The following ZFHX3 variants were observed in gnomAD, a reference collection of about 807,000 sequenced individuals.
The protein encoded by ZFHX3 is zinc finger homeobox protein 3.
In ZFHX3, 42 loss-of-function variants were observed where a neutral mutation model predicts 279.1. The ratio of observed to expected loss-of-function variants is 0.15; its 90% CI spans 0.12 to 0.19. ZFHX3 has a LOEUF of 0.19. Ranked by LOEUF, ZFHX3 falls within the 10% of genes least tolerant of loss-of-function variation. ZFHX3 has a pLI of 1.00. For synonymous variants in ZFHX3, 2,293 were observed against 1,957.8 expected, an observed-to-expected ratio of 1.17 and a Z score of -4.52; for missense variants, 4,981 against 4,754.0, an observed-to-expected ratio of 1.05 and a Z score of -1.40.
chr16:73,526,026 G>A (rs1183106281), intron 2 of ZFHX3, among the ~76,000 whole-genome samples: 1 of 152,150 alleles, frequency 6.6e-6, no homozygotes, highest in African/African-American at 2.4e-5. Flanking sequence ...AGGTGGTTGG[G>A]GACGGGGAAG....
intron 3 of ZFHX3, among the ~76,000 whole-genome samples, chr16:72,922,701 G>A (rs1194363569): frequency 1.3e-5 from 2 of 152,156 alleles, no homozygotes; most frequent in African/African-American, 4.8e-5. Context: ...TGCCTTGTGT[G>A]ATCAAAAATG....
chr16:73,687,011 AAT>A (rs58565282), intron 1 of ZFHX3, among the ~76,000 whole-genome samples: 802 of 52,214 alleles, frequency 0.015, 5 homozygotes, highest in Non-Finnish European at 0.019. Context: ...TTTGCAGCTA[AAT>A]ATATATATAT....
intron 1 of ZFHX3, among the ~76,000 whole-genome samples, chr16:73,732,609 T>C (rs1364309645): frequency 6.6e-6 from 1 of 152,260 alleles, no homozygotes; most frequent in Non-Finnish European, 1.5e-5. Flanking sequence ...GCTTCTAGCT[T>C]CTGCTATGGT....
intron 2 of ZFHX3, among the ~76,000 whole-genome samples, chr16:73,550,257 A>C (rs2020184196): frequency 6.6e-6 from 1 of 151,960 alleles, no homozygotes; most frequent in Admixed American, 6.6e-5. Context: ...ATTCTGAGAC[A>C]CCCTCAGTAA....
intron 1 of ZFHX3, among the ~76,000 whole-genome samples, chr16:73,752,248 C>T (rs557417196): frequency 1.3e-5 from 2 of 152,280 alleles, no homozygotes; most frequent in South Asian, 4.1e-4. Flanking sequence ...TAACGACCTC[C>T]TTTTGATTTC....
intron 2 of ZFHX3, among the ~76,000 whole-genome samples, chr16:73,576,008 T>C (rs1398786492): frequency 6.6e-6 from 1 of 152,182 alleles, no homozygotes; most frequent in Non-Finnish European, 1.5e-5. Context: ...CTTCATCCAT[T>C]TTTCTGTCTT....
intron 1 of ZFHX3, among the ~76,000 whole-genome samples, chr16:73,688,281 C>T (rs1034966114): frequency 4.8e-5 from 7 of 146,710 alleles, no homozygotes; most frequent in Admixed American, 1.4e-4. Context: ...CACTTGAACC[C>T]GGGAGGCAGA....
intron 1 of ZFHX3, among the ~76,000 whole-genome samples, chr16:72,985,164 C>T (rs546551623): frequency 6.4e-4 from 98 of 152,236 alleles, no homozygotes; most frequent in African/African-American, 2.3e-3. Context: ...ACTCCAGCTG[C>T]TCTCCTAAAC....
chr16:73,640,884 A>T (rs1277975547), intron 2 of ZFHX3, among the ~76,000 whole-genome samples: 1 of 152,194 alleles, frequency 6.6e-6, no homozygotes, highest in Middle Eastern at 3.2e-3. Flanking sequence ...GACCCACATG[A>T]AGGCACAGCT....
At chr16:73,533,312 T>A (rs991956533) in intron 2 of ZFHX3, among the ~76,000 whole-genome samples, 5 of 151,498 alleles carry the variant, frequency 3.3e-5, no homozygotes, top group African/African-American at 1.2e-4. Flanking sequence ...ATCAACCAGC[T>A]TCTGCATTTT....
Position 72,913,846 on chromosome 16 carries a change from G to A in ZFHX3, c.3217-23884C>T, listed in dbSNP as rs566647583. On this transcript the variant is annotated intron_variant, in intron 3 of 9. Coordinates refer to ENST00000268489, the MANE Select transcript of ZFHX3 (RefSeq NM_006885.4). ...CTTTGTTTTGCATACCTGGGCTCTC[G>A]ACAATGGAAATGAAGCAATGCCAAG... is the stretch of plus-strand genomic sequence containing the variant. Among the ~76,000 whole-genome samples the A allele has an allele frequency of 1.1e-4, 16 of 152,280 alleles. No homozygotes were observed. The South Asian group carries it at 1.9e-3, about 18-fold the overall frequency.
At chr16:73,501,563 A>C (rs2019239144) in intron 2 of ZFHX3, among the ~76,000 whole-genome samples, 1 of 152,192 alleles carries the variant, frequency 6.6e-6, no homozygotes, top group Middle Eastern at 3.2e-3. Context: ...GCTGGATTGA[A>C]ACTGACAATC....
chr16:73,133,274 C>A (rs1202183749), intron 6 of ZFHX3, among the ~76,000 whole-genome samples: 2 of 152,206 alleles, frequency 1.3e-5, no homozygotes, highest in African/African-American at 4.8e-5. Context: ...GTAATCCCAG[C>A]ACTTTGGGAG....
rs180780418 is a variant in ZFHX3, at chr16:73,292,237, G to C, written c.-1194+26003C>G. Among the ~76,000 whole-genome samples the C allele has an allele frequency of 3.3e-5, 5 of 152,306 alleles. No individual in the cohort carries two copies. In the East Asian group the frequency reaches 7.7e-4, roughly 24 times the overall value. The stretch of plus-strand genomic sequence containing the variant: ...GGAATCAGGGCAGGTTAATGACCTT[G>C]GCTGTGATTAGTGTCCTTTACCGAG... On this transcript the variant is annotated intron_variant, in intron 4 of 17. Coordinates refer to the ZFHX3 transcript ENST00000641206.
At chr16:73,843,311 G>C (rs773138919) in intron 1 of ZFHX3, among the ~76,000 whole-genome samples, 1 of 152,150 alleles carries the variant, frequency 6.6e-6, no homozygotes, top group Non-Finnish European at 1.5e-5. Flanking sequence ...CAGCTGAAAA[G>C]CCCCAAGTTG....
At chr16:73,546,579 C>T (rs1345826146) in intron 2 of ZFHX3, among the ~76,000 whole-genome samples, 1 of 152,078 alleles carries the variant, frequency 6.6e-6, no homozygotes, top group South Asian at 2.1e-4. Flanking sequence ...TGTCTGTGCT[C>T]GTAGGTTTGA....
chr16:72,839,687 T>C (rs1406012942), intron 4 of ZFHX3, among the ~76,000 whole-genome samples: 1 of 152,158 alleles, frequency 6.6e-6, no homozygotes, highest in African/African-American at 2.4e-5. Context: ...AGTATTTATT[T>C]GCTCATCAGA....
chr16:73,418,738 G>A (rs1235583351), intron 3 of ZFHX3, among the ~76,000 whole-genome samples: 2 of 152,216 alleles, frequency 1.3e-5, no homozygotes, highest in Non-Finnish European at 2.9e-5. Context: ...GGTTGTGGCT[G>A]TTTCCTTACA....
intron 3 of ZFHX3, among the ~76,000 whole-genome samples, chr16:73,325,928 A>ACACAAAAAC (rs1567451240): frequency 2.1e-5 from 3 of 145,492 alleles, no homozygotes; most frequent in African/African-American, 5.0e-5. Flanking sequence ...CACACACACA[A>ACACAAAAAC]ACACACACAC....
Sources: allele counts gnomAD v4.1 joint callset (sites outside exome capture counted in the v4.1 genomes callset), GRCh38; gene constraint gnomAD v4.1.1; transcripts MANE v1.5; gene names NCBI Gene and HGNC (gene_info 2026-07-23, HGNC 2026-07-21).